Variants in C12orf50 observed in about 807,000 individuals in gnomAD.
C12orf50 encodes the protein zinc finger CCCH-type containing 11D.
Under a neutral mutation model 61.6 loss-of-function variants are expected in C12orf50, and 35 were observed. The ratio of observed to expected loss-of-function variants is 0.57; its 90% CI spans 0.43 to 0.75. The LOEUF (loss-of-function observed/expected upper bound fraction) is 0.75. C12orf50 is among the 30% of genes least tolerant of loss of function. The pLI, the probability that C12orf50 is intolerant of heterozygous loss-of-function variation, is 0.00. For synonymous variants in C12orf50, 178 were observed against 161.5 expected (o/e 1.10, Z -0.77); for missense variants, 475 against 488.5 (o/e 0.97, Z 0.26).
At position 87,988,833 on chromosome 12, in the gene C12orf50, C is replaced by T. The variant is rs567075710; in HGVS notation, c.700+431G>A. Among the ~76,000 whole-genome samples the T allele has an allele frequency of 2.6e-5, 4 of 152,202 alleles. No homozygotes were observed. In the South Asian group the frequency reaches 8.3e-4, roughly 32 times the overall value. ...AAGTACAGTTAAGGGCAGTGTAAAA[C>T]TATAGAGGATGTATTTTATCATATC... is the stretch of plus-strand genomic sequence containing the variant. On this transcript the variant is annotated intron_variant, in intron 8 of 12. Coordinates refer to ENST00000298699, the MANE Select transcript of C12orf50 (RefSeq NM_152589.3).
chr12:87,983,624 AGT>A (rs2030640793), intron 11 of C12orf50: 1 of 151,354 alleles, frequency 6.6e-6, no homozygotes, highest in Non-Finnish European at 1.5e-5. Context: ...CCCATCTATG[AGT>A]GAGAACATGC....
At chr12:88,006,215 C>T (rs2136453370) in intron 3 of C12orf50, among the ~76,000 whole-genome samples, 1 of 152,162 alleles carries the variant, frequency 6.6e-6, no homozygotes, top group South Asian at 2.1e-4. Flanking sequence ...CGCGCCTGGC[C>T]CAAAAGAACT....
chr12:88,009,718 C>A (rs1316384958), intron 3 of C12orf50, among the ~76,000 whole-genome samples: 2 of 152,052 alleles, frequency 1.3e-5, no homozygotes, highest in African/African-American at 4.8e-5. Context: ...GTTCTCTGGC[C>A]TTTCTTGTTG....
intron 3 of C12orf50, among the ~76,000 whole-genome samples, chr12:88,001,907 T>A (rs939580651): frequency 2.0e-5 from 3 of 151,636 alleles, no homozygotes; most frequent in African/African-American, 7.2e-5. Flanking sequence ...AAGTTAAAGA[T>A]TTTTAATTTT....
intron 3 of C12orf50, among the ~76,000 whole-genome samples, chr12:88,024,813 T>C (rs1177580918): frequency 1.3e-5 from 2 of 152,138 alleles, no homozygotes; most frequent in Non-Finnish European, 2.9e-5. Context: ...AGAGAATGTG[T>C]CCTGCAAGCT....
At chr12:88,029,599 T>C (rs144061517), upstream of C12orf50, among the ~76,000 whole-genome samples, 956 of 152,246 alleles carry the variant, frequency 6.3e-3, 11 homozygotes, top group African/African-American at 0.022. Flanking sequence ...AATGTTCTCG[T>C]TGAATATGGA....
chr12:87,998,755 G>A (rs1228636847), intron 3 of C12orf50, among the ~76,000 whole-genome samples: 4 of 151,984 alleles, frequency 2.6e-5, no homozygotes, highest in African/African-American at 9.7e-5. Context: ...AAAGTAGATC[G>A]ATGTATCATT....
chr12:88,003,027 A>G (rs916570236), intron 3 of C12orf50, among the ~76,000 whole-genome samples: 1 of 151,906 alleles, frequency 6.6e-6, no homozygotes, highest in African/African-American at 2.4e-5. Context: ...CAAACCCAGT[A>G]ATACATTGTT....
chr12:88,025,519 C>T (rs1015369355), intron 3 of C12orf50, among the ~76,000 whole-genome samples: 1 of 152,044 alleles, frequency 6.6e-6, no homozygotes, highest in Non-Finnish European at 1.5e-5. Context: ...GCAGTAAGGG[C>T]TCATTTGAGA....
intron 3 of C12orf50, among the ~76,000 whole-genome samples, chr12:88,000,442 T>C (rs989852598): frequency 3.9e-5 from 6 of 152,076 alleles, no homozygotes; most frequent in African/African-American, 1.2e-4. Context: ...TTCAGTTTTG[T>C]AGTAACTTGT....
chr12:88,007,683 A>G (rs1416699381), intron 3 of C12orf50, among the ~76,000 whole-genome samples: 16 of 152,258 alleles, frequency 1.1e-4, no homozygotes, highest in Non-Finnish European at 1.5e-5. Context: ...GAGAAATACA[A>G]ACAAGCCATG....
Position 87,985,949 on chromosome 12 carries a change from T to G in C12orf50, c.1027A>C (p.Arg343=). 6.2e-7 allele frequency: 1 copy of G among 1,613,922 alleles called. No homozygotes were observed. Among genetic ancestry groups the G allele is most frequent in the Non-Finnish European group, 8.5e-7 (1 of 1,179,876 alleles). The change falls in exon 11 of 13, where the codon AGG becomes CGG. Residue 343 remains arginine (R), a synonymous_variant. Coordinates refer to ENST00000298699, the MANE Select transcript of C12orf50 (RefSeq NM_152589.3). ...SYIHVQRDAV[R]TVALNAPSRS... ...GAAGGTGCATTCAACGCGACAGTCC[T>G]GACAGCATCTCTTTGAACGTGGATA...
chr12:87,990,315 C>G (rs2031058232), intron 7 of C12orf50, among the ~76,000 whole-genome samples: 2 of 152,108 alleles, frequency 1.3e-5, no homozygotes, highest in South Asian at 4.1e-4. Flanking sequence ...AACATATCAT[C>G]CTTTATTCTA....
intron 8 of C12orf50, among the ~76,000 whole-genome samples, chr12:87,988,212 G>A (rs1239286346): frequency 2.6e-5 from 4 of 152,018 alleles, no homozygotes; most frequent in Admixed American, 6.6e-5. Flanking sequence ...ATAAAAAATC[G>A]TGGCAGTATT....
In C12orf50 at chr12:87,986,318, G is replaced by C. The variant is rs758693310; in HGVS notation, c.916C>G (p.Gln306Glu). 3 of 1,589,902 alleles carry C rather than the reference G, an allele frequency of 1.9e-6. No individual in the cohort carries two copies. ...AAATATATAGACACCTTACCTCTCT[G>C]CATTCCAGAGTTAGGAAAGTTCTGT... Reference protein sequence around the residue: ...EPQNFPNSGMQRAVQAPRPQN... With the variant: ...EPQNFPNSGMERAVQAPRPQN... The change falls in exon 10 of 13, where the codon CAG becomes GAG. Residue 306 changes from glutamine (Q) to glutamate (E), a missense_variant. Gln to Glu is a conservative substitution (Grantham distance 29). Coordinates refer to ENST00000298699, the MANE Select transcript of C12orf50 (RefSeq NM_152589.3).
intron 3 of C12orf50, among the ~76,000 whole-genome samples, chr12:88,025,019 T>A (rs2032650353): frequency 6.6e-6 from 1 of 152,052 alleles, no homozygotes; most frequent in African/African-American, 2.4e-5. Context: ...CAATAATAAA[T>A]AACCACTTTG....
At chr12:88,016,317 G>A (rs555062639) in intron 3 of C12orf50, among the ~76,000 whole-genome samples, 56 of 152,114 alleles carry the variant, frequency 3.7e-4, no homozygotes, top group African/African-American at 1.3e-3. Flanking sequence ...TGCATTTACC[G>A]ACACTCATAA....
At chr12:88,012,400 C>T (rs1036949478) in intron 3 of C12orf50, among the ~76,000 whole-genome samples, 14 of 152,100 alleles carry the variant, frequency 9.2e-5, no homozygotes, top group African/African-American at 2.7e-4. Flanking sequence ...TTTGTATAAA[C>T]GAATTATTTA....
chr12:87,994,055 C>G (rs1213808641), intron 7 of C12orf50, among the ~76,000 whole-genome samples: 3 of 151,806 alleles, frequency 2.0e-5, no homozygotes, highest in African/African-American at 7.3e-5. Context: ...CAAAAATTAG[C>G]CGGGTGTGGT....
Sources: allele counts gnomAD v4.1 joint callset (sites outside exome capture counted in the v4.1 genomes callset), GRCh38; gene constraint gnomAD v4.1.1; transcripts MANE v1.5; gene names NCBI Gene and HGNC (gene_info 2026-07-23, HGNC 2026-07-21).